ECH1: variants seen among roughly 807,000 people sequenced by gnomAD.
The protein encoded by ECH1 is delta(3,5)-Delta(2,4)-dienoyl-CoA isomerase, mitochondrial.
ECH1 carries 30 observed loss-of-function variants against 37.0 expected under a neutral mutation model. That is an observed-to-expected ratio of 0.81 (90% CI 0.61 to 1.10). The LOEUF (loss-of-function observed/expected upper bound fraction) is 1.10, where lower values mean the gene tolerates loss of function less well. Among genes scored for constraint, ECH1 ranks in the 50% least tolerant of loss-of-function variants. The probability of loss-of-function intolerance (pLI) is 0.00; values close to 1 mark genes in which losing one functional copy is unlikely to be tolerated. For missense variants in ECH1, 456 were observed against 441.6 expected (o/e 1.03, Z -0.29); for synonymous variants, 178 against 176.0 (o/e 1.01, Z -0.09).
rs966989702 is a variant in ECH1, at chr19:38,816,180, G to A, written c.731+104C>T. 1.7e-5 allele frequency: 26 copies of A among 1,497,820 alleles called. No individual in the cohort carries two copies. The Admixed American group carries it at 5.2e-4, about 30-fold the overall frequency. 92.8% of individuals were successfully genotyped at this position (1,497,820 alleles called of 1,614,324 possible). A position where few individuals can be genotyped will look rare whatever the true frequency, so the allele number is the denominator to read the frequency against. On this transcript the variant is annotated intron_variant, in intron 8 of 9. Coordinates refer to ENST00000221418, the MANE Select transcript of ECH1 (RefSeq NM_001398.3). Reference sequence around the variant, plus strand: ...AGAAATGAGCTCACCAAGAAAGGATGCCACTAGGAATTCTAGAGCGAGGAG... The same window carrying A: ...AGAAATGAGCTCACCAAGAAAGGATACCACTAGGAATTCTAGAGCGAGGAG...
intron 3 of ECH1, among the ~76,000 whole-genome samples, chr19:38,823,490 A>C (rs1971694778): frequency 6.6e-6 from 1 of 152,192 alleles, no homozygotes; most frequent in Non-Finnish European, 1.5e-5. Flanking sequence ...TGCCAGTTAA[A>C]AGTGACTAGC....
At position 38,817,367 on chromosome 19, in the gene ECH1, G is replaced by C; in HGVS notation, c.475-3C>G. ...GCAGCAATCACGGGCTTGGGGCACT[G>C]AGAGGGAACAGGAAGAGTGGGGTCA... On this transcript the variant is annotated splice_polypyrimidine_tract_variant and splice_region_variant and intron_variant, in intron 4 of 9. Transcript: ENST00000221418. 1 of 1,596,692 alleles carries C rather than the reference G, an allele frequency of 6.3e-7. No individual in the cohort carries two copies. Among genetic ancestry groups the C allele is most frequent in the South Asian group, 1.1e-5 (1 of 88,528 alleles).
intron 3 of ECH1, among the ~76,000 whole-genome samples, chr19:38,829,090 G>A (rs1008015456): frequency 4.6e-5 from 7 of 150,766 alleles, no homozygotes; most frequent in African/African-American, 1.2e-4. Context: ...TTCAAGACCC[G>A]CCTGGCCAAA....
At chr19:38,821,077 G>A (rs926365339) in intron 3 of ECH1, among the ~76,000 whole-genome samples, 3 of 152,152 alleles carry the variant, frequency 2.0e-5, no homozygotes, top group Non-Finnish European at 2.9e-5. Context: ...TCAGGGGTTC[G>A]AGACCAGCCT....
At chr19:38,818,330 A>G in intron 3 of ECH1, 1 of 985,328 alleles carries the variant, frequency 1.0e-6, no homozygotes, top group Non-Finnish European at 1.2e-6. Context: ...CTGTGGCTCC[A>G]ACTTCAAGAT....
Position 38,815,935 on chromosome 19 carries a change from G to C in ECH1, c.804C>G (p.Ser268Arg), listed in dbSNP as rs1416686595. The C allele has an allele frequency of 3.1e-6, 5 of 1,614,184 alleles. No homozygotes were observed. Residue 268 changes from serine (S) to arginine (R), a missense_variant, in exon 9 of 10, where the codon AGC (serine) becomes AGG (arginine). Transcript: ENST00000221418. The stretch of plus-strand genomic sequence containing the variant: ...CCTTGGTGCTCTGCACCGCCACGGG[G>C]CTCTTGCTGGAAATCTCGGCCGCCA... The part of the protein sequence containing the change: ...LALAAEISSK[S>R]PVAVQSTKVN...
chr19:38,827,765 C>G (rs1056413330), intron 3 of ECH1, among the ~76,000 whole-genome samples: 6 of 152,116 alleles, frequency 3.9e-5, no homozygotes, highest in African/African-American at 1.4e-4. Context: ...CTCCCTGGTT[C>G]GAGCCATCCT....
In ECH1 at chr19:38,815,593, G is replaced by T. The variant is rs769288049; in HGVS notation, c.*20C>A. On this transcript the variant is annotated 3_prime_UTR_variant, in exon 10 of 10. Transcript: ENST00000221418. The stretch of plus-strand genomic sequence containing the variant: ...GGGACAAGGCCGGCCCCCTGGCTGG[G>T]GCCTGGGACGCGAGGGCTCTCAGAG... 6.2e-7 allele frequency: 1 copy of T among 1,612,380 alleles called. No homozygotes were observed. The highest frequency in any genetic ancestry group is 2.2e-5 in the East Asian group (1 of 44,866).
intron 3 of ECH1, among the ~76,000 whole-genome samples, chr19:38,828,514 G>A (rs1971769780): frequency 6.6e-6 from 1 of 152,142 alleles, no homozygotes; most frequent in Non-Finnish European, 1.5e-5. Context: ...TTACAGGCAT[G>A]AGCCACTGAG....
intron 3 of ECH1, among the ~76,000 whole-genome samples, chr19:38,827,060 G>A (rs1389642100): frequency 6.9e-6 from 1 of 144,920 alleles, no homozygotes; most frequent in Non-Finnish European, 1.5e-5. Flanking sequence ...GGAGGGGAAG[G>A]AGGGGAAGGA....
Position 38,815,633 on chromosome 19 carries a change from C to A in ECH1, c.967G>T (p.Val323Phe). Residue 323 changes from valine (V) to phenylalanine (F), a missense_variant, in exon 10 of 10, where the codon GTC becomes TTC. Coordinates refer to ENST00000221418, the MANE Select transcript of ECH1 (RefSeq NM_001398.3). ...ATTENKELKT[V>F]TFSKL ...GGCTCTCAGAGCTTGGAGAAGGTGACGGTTTTCAGTTCCTTGTTCTCAGTC... is the reference window on the plus strand; with the variant it reads ...GGCTCTCAGAGCTTGGAGAAGGTGAAGGTTTTCAGTTCCTTGTTCTCAGTC... 6.2e-7 allele frequency: 1 copy of A among 1,614,154 alleles called. No homozygotes were observed. The highest frequency in any genetic ancestry group is 8.5e-7 in the Non-Finnish European group (1 of 1,180,032).
chr19:38,825,086 G>A (rs537615362), intron 3 of ECH1, among the ~76,000 whole-genome samples: 23 of 152,350 alleles, frequency 1.5e-4, no homozygotes, highest in African/African-American at 5.5e-4. Flanking sequence ...GCTACTGTTA[G>A]ATCAAACCCT....
rs367984328 is a variant in ECH1, at chr19:38,819,183, T to A, written c.350-1608A>T. On this transcript the variant is annotated intron_variant, in intron 3 of 9. Transcript: ENST00000221418. ...CAAGTGGAAATAGGATCCAGATCAC[T>A]GCCTGAGGGCTGTGCAGTGGTACAG... is the stretch of plus-strand genomic sequence containing the variant. 4,351 of 985,338 alleles carry A rather than the reference T, an allele frequency of 4.4e-3. 12 individuals are homozygous for A. Among genetic ancestry groups the A allele is most frequent in the Non-Finnish European group, 4.8e-3 (4,024 of 829,896 alleles). 61.0% of individuals were successfully genotyped at this position (985,338 alleles called of 1,614,324 possible).
At chr19:38,819,525 T>C (rs886768518) in intron 3 of ECH1, among the ~76,000 whole-genome samples, 5 of 152,082 alleles carry the variant, frequency 3.3e-5, no homozygotes, top group Non-Finnish European at 4.4e-5. Context: ...CAGGAGTTTT[T>C]GTCTTTCTGT....
chr19:38,817,047 C>G lies in ECH1; in HGVS notation c.588+18G>C. 6.4e-7 allele frequency: 1 copy of G among 1,561,480 alleles called. No homozygotes were observed. Among genetic ancestry groups the G allele is most frequent in the Non-Finnish European group, 8.7e-7 (1 of 1,152,914 alleles). On this transcript the variant is annotated intron_variant, in intron 6 of 9. Coordinates refer to ENST00000221418, the MANE Select transcript of ECH1 (RefSeq NM_001398.3). ...CCCACTGCCCAGCTCTAAGCAGGAGCTCGGGAGGATGACTCACCTTCACCT... is the reference window on the plus strand; with the variant it reads ...CCCACTGCCCAGCTCTAAGCAGGAGGTCGGGAGGATGACTCACCTTCACCT...
chr19:38,816,860 A>C, intron 6 of ECH1: 1 of 662,798 alleles, frequency 1.5e-6, no homozygotes, highest in Non-Finnish European at 2.6e-6. Flanking sequence ...CCCCAGGAGC[A>C]ATCTCTGCCT....
intron 7 of ECH1, 29 bp from the exon 8 acceptor site, chr19:38,816,384 G>A (rs745894600): frequency 1.2e-6 from 2 of 1,613,862 alleles, no homozygotes; most frequent in East Asian, 2.2e-5. Flanking sequence ...ATCAGGAGGC[G>A]GCTGCCACCC....
intron 3 of ECH1, among the ~76,000 whole-genome samples, chr19:38,824,966 T>G (rs1276739559): frequency 2.6e-5 from 4 of 152,184 alleles, no homozygotes; most frequent in African/African-American, 9.7e-5. Context: ...CATCTCTGAT[T>G]TAAAGCAGAT....
At chr19:38,818,928 T>C (rs540546960) in intron 3 of ECH1, among the ~76,000 whole-genome samples, 3,212 of 126,348 alleles carry the variant, frequency 0.025, 134 homozygotes, top group African/African-American at 0.082. Flanking sequence ...TGTGTGTGTG[T>C]GTGTGCACTG....
Sources: allele counts gnomAD v4.1 joint callset (sites outside exome capture counted in the v4.1 genomes callset), GRCh38; gene constraint gnomAD v4.1.1; transcripts MANE v1.5; gene names NCBI Gene and HGNC (gene_info 2026-07-23, HGNC 2026-07-21).